Variants in DCX observed in about 807,000 individuals in gnomAD.
The protein encoded by DCX is neuronal migration protein doublecortin.
A neutral mutation model predicts 20.9 loss-of-function variants in DCX; 4 were observed. The ratio of observed to expected loss-of-function variants is 0.19; its 90% CI spans 0.09 to 0.44. The LOEUF (loss-of-function observed/expected upper bound fraction) is 0.44. DCX is among the 20% of genes least tolerant of loss of function. DCX has a pLI of 0.99. For synonymous variants in DCX, 103 were observed against 111.4 expected (o/e 0.92, Z 0.47); for missense variants, 133 against 296.9 (o/e 0.45, Z 4.06).
At chrX:111,317,677 AAT>A (rs2095076113) in intron 5 of DCX, among the ~76,000 whole-genome samples, 1 of 112,184 alleles carries the variant, frequency 8.9e-6, no homozygotes, top group African/African-American at 3.2e-5. Context: ...ACAAAGGTCT[AAT>A]ATCCATCATC....
chrX:111,349,577 A>G (rs966805763), intron 3 of DCX, among the ~76,000 whole-genome samples: 9 of 111,459 alleles, frequency 8.1e-5, no homozygotes, highest in African/African-American at 2.9e-4. Flanking sequence ...AAAAAAAAGC[A>G]TGACTGCCCA....
At chrX:111,340,135 G>A (rs911643217) in intron 3 of DCX, among the ~76,000 whole-genome samples, 4 of 112,527 alleles carry the variant, frequency 3.6e-5, no homozygotes, top group African/African-American at 6.5e-5. Flanking sequence ...TCCCTGGGTC[G>A]GGGAAGGGCA....
intron 3 of DCX, among the ~76,000 whole-genome samples, chrX:111,365,620 C>T (rs950180232): frequency 9.2e-6 from 1 of 109,072 alleles, no homozygotes; most frequent in African/African-American, 3.3e-5. Flanking sequence ...CCCCCGCTTC[C>T]AGTCCCCCAC....
chrX:111,375,013 A>T (rs1357616556), intron 3 of DCX, among the ~76,000 whole-genome samples: 1 of 100,629 alleles, frequency 9.9e-6, no homozygotes, highest in Non-Finnish European at 2.0e-5. Context: ...TCAAAGTATG[A>T]CATACTAGAT....
chrX:111,368,336 GA>G (rs1259742877), intron 3 of DCX, among the ~76,000 whole-genome samples: 2 of 111,579 alleles, frequency 1.8e-5, no homozygotes, highest in African/African-American at 3.3e-5. Context: ...GCACTTCAAT[GA>G]AAAAAGTCCA....
At chrX:111,308,045 C>T (rs1003446373) in intron 6 of DCX, among the ~76,000 whole-genome samples, 8 of 111,894 alleles carry the variant, frequency 7.1e-5, no homozygotes, top group Non-Finnish European at 1.1e-4. Context: ...CAATTTATTT[C>T]GTATTCAGAA....
rs925669670 is a variant in DCX at position 111,383,255 on chromosome X, A to AC, written c.705+17734dup. 5.4e-5 allele frequency among the ~76,000 whole-genome samples: 6 copies of AC among 111,169 alleles called. No homozygotes were observed. In the East Asian group the frequency reaches 8.5e-4, roughly 16 times the overall value. ...AATATGCTAGAACTAGACTAACAGC[A>AC]CCCCCAGCTATAGATTTATGTCCTT... On this transcript the variant is annotated intron_variant, in intron 3 of 6. Coordinates refer to ENST00000636035, the MANE Select transcript of DCX (RefSeq NM_001195553.2).
chrX:111,299,510 G>A lies in DCX; in HGVS notation c.*2177C>T, dbSNP rs1233323045. 3 of 111,052 alleles carry A rather than the reference G, an allele frequency of 2.7e-5. No homozygotes were observed. The highest frequency in any genetic ancestry group is 5.7e-5 in the Non-Finnish European group (3 of 53,081). The allele number at this position is 111,052 out of a possible 1,213,427, so 9.2% of individuals were successfully genotyped here. A position where few individuals can be genotyped will look rare whatever the true frequency, so the allele number is the denominator to read the frequency against. ...GGTGATGGACTAAATGAGACCTAAAGTGAGACTATGGGTGGAGTCATTGGG... is the reference window on the plus strand; with the variant it reads ...GGTGATGGACTAAATGAGACCTAAAATGAGACTATGGGTGGAGTCATTGGG... On this transcript the variant is annotated 3_prime_UTR_variant, in exon 7 of 7. Transcript: ENST00000636035.
At chrX:111,351,984 C>A (rs1158772684) in intron 3 of DCX, among the ~76,000 whole-genome samples, 5 of 112,032 alleles carry the variant, frequency 4.5e-5, no homozygotes, top group African/African-American at 1.6e-4. Context: ...TTCAGCCTCT[C>A]AAAGTGTGGG....
At chrX:111,304,709 T>A (rs771424985) in intron 6 of DCX, among the ~76,000 whole-genome samples, 1 of 111,867 alleles carries the variant, frequency 8.9e-6, no homozygotes, top group Admixed American at 9.5e-5. Context: ...TGTTTAAAAA[T>A]CACAGCCGTA....
Position 111,333,122 on chromosome X carries a change from T to C in DCX, c.737A>G (p.Asp246Gly), listed in dbSNP as rs746630090. The change falls in exon 4 of 7, where the codon GAT becomes GGT. Residue 246 changes from aspartate to glycine, a missense_variant. Around this residue, in one of 2 missense-constraint regions of DCX, gnomAD observed 65 missense variants for 212.6 expected, o/e 0.31. Coordinates refer to ENST00000636035, the MANE Select transcript of DCX (RefSeq NM_001195553.2). The part of the protein sequence containing the change: ...VTCLHDFFGD[D>G]DVFIACGPEK... Reference sequence around the variant, plus strand: ...AGGACCACAGGCAATAAACACATCATCATCACCAAAGAAATCATGGAGACA... The same window carrying C: ...AGGACCACAGGCAATAAACACATCACCATCACCAAAGAAATCATGGAGACA... 8.3e-7 allele frequency: 1 copy of C among 1,209,999 alleles called. No homozygotes were observed. Among genetic ancestry groups the C allele is most frequent in the Non-Finnish European group, 1.1e-6 (1 of 894,307 alleles).
At chrX:111,305,855 A>G (rs974174169) in intron 6 of DCX, among the ~76,000 whole-genome samples, 6 of 111,136 alleles carry the variant, frequency 5.4e-5, no homozygotes, top group Non-Finnish European at 7.6e-5. Flanking sequence ...ATTTAAATCA[A>G]GTTTGTATTA....
intron 5 of DCX, among the ~76,000 whole-genome samples, chrX:111,328,757 A>G (rs2095105549): frequency 9.0e-6 from 1 of 111,177 alleles, no homozygotes; most frequent in South Asian, 3.9e-4. Flanking sequence ...CTCTTGGATC[A>G]CAAACTAAGG....
chrX:111,364,711 G>A (rs996069018), intron 3 of DCX, among the ~76,000 whole-genome samples: 5 of 111,828 alleles, frequency 4.5e-5, no homozygotes, highest in Non-Finnish European at 9.4e-5. Context: ...CTATCAAGTT[G>A]TAAAAAGAAT....
At chrX:111,326,534 A>G (rs766855374) in intron 5 of DCX, among the ~76,000 whole-genome samples, 2 of 112,082 alleles carry the variant, frequency 1.8e-5, no homozygotes, top group Admixed American at 9.5e-5. Context: ...CAAATATCCC[A>G]TAGGAGCCTC....
At chrX:111,322,012 G>A (rs766587990) in intron 5 of DCX, among the ~76,000 whole-genome samples, 1 of 112,054 alleles carries the variant, frequency 8.9e-6, no homozygotes, top group Non-Finnish European at 1.9e-5. Flanking sequence ...ATCAAGCCTC[G>A]TGGTTTTTAT....
rs758262346 is a variant in DCX, at chrX:111,338,581, C to CTTTT, written c.706-5432_706-5429dup. On this transcript the variant is annotated intron_variant, in intron 3 of 6. Transcript: ENST00000636035. ...AGCAACCTTTCGGAAACAATCCTGA[C>CTTTT]TTTTTTTTTTTTTTTTATCAAACTC... Among the ~76,000 whole-genome samples, 302 of 95,999 alleles carry CTTTT rather than the reference C, an allele frequency of 3.1e-3. 3 individuals carry two copies. The highest frequency in any genetic ancestry group is 0.011 in the African/African-American group (287 of 26,475). 83.4% of individuals were successfully genotyped at this position (95,999 alleles called of 115,157 possible).
In DCX at chrX:111,401,247, C is replaced by T. The variant is rs1927768819; in HGVS notation, c.448G>A (p.Val150Ile). 4 of 1,211,544 alleles carry T rather than the reference C, an allele frequency of 3.3e-6. No individual in the cohort carries two copies. The highest frequency in any genetic ancestry group is 4.5e-6 in the Non-Finnish European group (4 of 895,412). The change falls in exon 3 of 7, where the codon GTA (valine) becomes ATA (isoleucine). Residue 150 changes from valine (V) to isoleucine (I), a missense_variant. This residue lies in a region of DCX where 65 missense variants were observed against 212.6 expected (regional missense o/e 0.31). Transcript: ENST00000636035. Reference sequence around the variant, plus strand: ...GCTTTCATATTGGCAGATGTTTTTACGTTGACAGACCAGTTGGGATTGACA... The same window carrying T: ...GCTTTCATATTGGCAGATGTTTTTATGTTGACAGACCAGTTGGGATTGACA... ...KNVNPNWSVN[V>I]KTSANMKAPQ... is the part of the protein sequence containing the mutation.
At chrX:111,333,734 G>C (rs1486878704) in intron 3 of DCX, among the ~76,000 whole-genome samples, 1 of 112,132 alleles carries the variant, frequency 8.9e-6, no homozygotes, top group Non-Finnish European at 1.9e-5. Context: ...ACCAGAAGAG[G>C]AAAACTTCAT....
Sources: allele counts gnomAD v4.1 joint callset (sites outside exome capture counted in the v4.1 genomes callset), GRCh38; gene constraint gnomAD v4.1.1; regional missense constraint gnomAD v4.1.1; transcripts MANE v1.5; gene names NCBI Gene and HGNC (gene_info 2026-07-23, HGNC 2026-07-21).